DOCK10: variants seen among roughly 807,000 people sequenced by gnomAD.
DOCK10 encodes the protein dedicator of cytokinesis protein 10.
Under a neutral mutation model 280.1 loss-of-function variants are expected in DOCK10, and 145 were observed. The observed-to-expected ratio is 0.52, with a 90% CI of 0.45 to 0.59. The LOEUF (loss-of-function observed/expected upper bound fraction) is 0.59, where lower values mean the gene tolerates loss of function less well. Among genes scored for constraint, DOCK10 ranks in the 20% least tolerant of loss-of-function variants. The pLI, the probability that DOCK10 is intolerant of heterozygous loss-of-function variation, is 0.00. For synonymous variants in DOCK10, 915 were observed against 942.2 expected (o/e 0.97, Z 0.53); for missense variants, 2,368 against 2,651.7 (o/e 0.89, Z 2.35).
At chr2:224,974,029 C>T (rs774090440) in intron 1 of DOCK10, among the ~76,000 whole-genome samples, 17 of 152,114 alleles carry the variant, frequency 1.1e-4, no homozygotes, top group Non-Finnish European at 2.1e-4. Flanking sequence ...TGAGGAGGTG[C>T]GATGTCCAAA....
At chr2:224,800,814 A>G (rs151146757) in intron 40 of DOCK10, among the ~76,000 whole-genome samples, 1 of 152,288 alleles carries the variant, frequency 6.6e-6, no homozygotes, top group East Asian at 1.9e-4. Context: ...AACCCTGAGA[A>G]CATGTGCCCA....
chr2:224,825,889 C>T (rs762225912), intron 27 of DOCK10, among the ~76,000 whole-genome samples: 8 of 152,032 alleles, frequency 5.3e-5, no homozygotes, highest in African/African-American at 1.7e-4. Flanking sequence ...TACAGCATGG[C>T]GAGGTCAAGG....
intron 3 of DOCK10, among the ~76,000 whole-genome samples, chr2:224,911,043 C>T (rs1024908253): frequency 6.6e-6 from 1 of 151,742 alleles, no homozygotes; most frequent in African/African-American, 2.4e-5. Context: ...ATTCATGTTG[C>T]CCAAGAGAGT....
At chr2:224,924,394 C>T (rs903830526) in intron 2 of DOCK10, among the ~76,000 whole-genome samples, 4 of 152,216 alleles carry the variant, frequency 2.6e-5, no homozygotes, top group South Asian at 4.1e-4. Flanking sequence ...AACCACTAAT[C>T]TCCTTTCTCT....
Position 224,971,410 on chromosome 2 carries a change from C to T in DOCK10, c.124-39742G>A, listed in dbSNP as rs183379716. Among the ~76,000 whole-genome samples the T allele has an allele frequency of 7.2e-5, 11 of 151,890 alleles. No individual in the cohort carries two copies. In the East Asian group the frequency reaches 1.9e-3, roughly 27 times the overall value. On this transcript the variant is annotated intron_variant, in intron 1 of 55. Transcript: ENST00000258390. ...AGGTGGGTGGAATGGGAGGAATGGG[C>T]GCGGTTGCACTGTAGCAGGGTGTGA...
At chr2:224,949,486 T>G (rs928910473) in intron 1 of DOCK10, among the ~76,000 whole-genome samples, 1 of 152,238 alleles carries the variant, frequency 6.6e-6, no homozygotes, top group Non-Finnish European at 1.5e-5. Flanking sequence ...TTAAGAAGCT[T>G]GTATCCTACA....
At chr2:224,787,519 A>G in intron 48 of DOCK10, 122 bp from the exon 49 acceptor site, 1 of 1,234,076 alleles carries the variant, frequency 8.1e-7, no homozygotes, top group Non-Finnish European at 1.1e-6. Flanking sequence ...TTTAAAACCC[A>G]GCAGGGGATC....
intron 14 of DOCK10, among the ~76,000 whole-genome samples, chr2:224,859,233 G>T (rs1269559773): frequency 6.6e-6 from 1 of 152,120 alleles, no homozygotes; most frequent in East Asian, 1.9e-4. Flanking sequence ...ATACGAGAAT[G>T]AAATGTTTAT....
At chr2:224,844,667 G>T (rs1325012806) in intron 22 of DOCK10, 86 bp downstream of exon 22, 2 of 865,076 alleles carry the variant, frequency 2.3e-6, no homozygotes, top group Non-Finnish European at 3.8e-6. Context: ...TTCATGAAAT[G>T]ATTAGTCTCA....
At chr2:224,929,147 G>T (rs550983198) in intron 2 of DOCK10, among the ~76,000 whole-genome samples, 1 of 152,178 alleles carries the variant, frequency 6.6e-6, no homozygotes, top group Non-Finnish European at 1.5e-5. Context: ...ATCAGATTCT[G>T]CCTAGTTTTA....
chr2:224,902,765 G>C (rs780342151), intron 3 of DOCK10, among the ~76,000 whole-genome samples: 1 of 151,410 alleles, frequency 6.6e-6, no homozygotes, highest in Non-Finnish European at 1.5e-5. Context: ...GTAATAATTA[G>C]TTTCTGCAGT....
At chr2:224,991,396 A>G (rs1472927037) in intron 1 of DOCK10, among the ~76,000 whole-genome samples, 1 of 152,236 alleles carries the variant, frequency 6.6e-6, no homozygotes, top group African/African-American at 2.4e-5. Context: ...AACTGTTGTA[A>G]CAAAGGCACA....
chr2:224,927,030 A>G (rs1411955326), intron 2 of DOCK10, among the ~76,000 whole-genome samples: 1 of 152,202 alleles, frequency 6.6e-6, no homozygotes, highest in Admixed American at 6.5e-5. Flanking sequence ...TGTTATCAAG[A>G]GAAGCAGGTG....
intron 1 of DOCK10, among the ~76,000 whole-genome samples, chr2:224,994,221 G>A (rs932103262): frequency 1.3e-5 from 2 of 152,196 alleles, no homozygotes; most frequent in Non-Finnish European, 2.9e-5. Flanking sequence ...ATCAGAGGTA[G>A]TATATGTACT....
chr2:224,935,366 T>C (rs1384824745), intron 1 of DOCK10, among the ~76,000 whole-genome samples: 1 of 152,224 alleles, frequency 6.6e-6, no homozygotes, highest in African/African-American at 2.4e-5. Flanking sequence ...CCAACCTTCA[T>C]ATTCCTCCAG....
At chr2:225,023,514 C>T (rs545162374) in intron 1 of DOCK10, among the ~76,000 whole-genome samples, 1 of 152,070 alleles carries the variant, frequency 6.6e-6, no homozygotes, top group African/African-American at 2.4e-5. Flanking sequence ...GATTTAATAC[C>T]AATAATACCA....
At chr2:224,929,652 C>T (rs1257263056) in intron 2 of DOCK10, among the ~76,000 whole-genome samples, 1 of 152,162 alleles carries the variant, frequency 6.6e-6, no homozygotes, top group Non-Finnish European at 1.5e-5. Context: ...AATGTTCACA[C>T]TGGAAAAACA....
At chr2:224,829,339 GC>G (rs1417791765) in intron 27 of DOCK10, among the ~76,000 whole-genome samples, 1 of 152,206 alleles carries the variant, frequency 6.6e-6, no homozygotes, top group Non-Finnish European at 1.5e-5. Flanking sequence ...AATAAAACTG[GC>G]ATTTGGAGTA....
At chr2:224,872,035 G>A (rs7592442) in intron 11 of DOCK10, among the ~76,000 whole-genome samples, 15,224 of 152,126 alleles carry the variant, frequency 0.1, 1,032 homozygotes, top group African/African-American at 0.19. Flanking sequence ...TATATTTGGA[G>A]AATGAATAAA....
Sources: gnomAD v4.1 joint callset for allele counts (sites outside exome capture counted in the v4.1 genomes callset) on GRCh38, gnomAD v4.1.1 for gene constraint, MANE v1.5 for transcripts, NCBI Gene and HGNC (gene_info 2026-07-23, HGNC 2026-07-21) for gene names.